Variants in HEMK2 observed in about 807,000 individuals in gnomAD.
HEMK2 encodes HemK methyltransferase 2, ETF1 glutamine and histone H4 lysine, also known as methyltransferase HEMK2.
the HEMK2 span, among the ~76,000 whole-genome samples, chr21:28,819,737 A>G: frequency 6.6e-6 from 1 of 151,166 alleles, no homozygotes; most frequent in Non-Finnish European, 1.5e-5. Context: ...TTTAGTAGAG[A>G]CGGAATTTCA....
At chr21:28,729,047 A>T in the HEMK2 span, among the ~76,000 whole-genome samples, 1 of 152,352 alleles carries the variant, frequency 6.6e-6, no homozygotes, top group Admixed American at 6.5e-5. Flanking sequence ...CCCTGAATTG[A>T]GAATGCATGA....
At chr21:28,818,607 T>G in the HEMK2 span, among the ~76,000 whole-genome samples, 3 of 152,132 alleles carry the variant, frequency 2.0e-5, no homozygotes, top group Non-Finnish European at 4.4e-5. Context: ...CACCCTCTCC[T>G]TAGGAATTTT....
chr21:28,760,244 G>A, the HEMK2 span, among the ~76,000 whole-genome samples: 1 of 152,160 alleles, frequency 6.6e-6, no homozygotes, highest in African/African-American at 2.4e-5. Flanking sequence ...GTTTCAATTA[G>A]GCTTTGCAGC....
chr21:28,847,717 T>G, the HEMK2 span, among the ~76,000 whole-genome samples: 16 of 152,358 alleles, frequency 1.1e-4, no homozygotes, highest in African/African-American at 3.8e-4. Flanking sequence ...AAAATGCTAT[T>G]TCCTAGATTT....
chr21:28,632,857 G>C, the HEMK2 span, among the ~76,000 whole-genome samples: 1 of 152,190 alleles, frequency 6.6e-6, no homozygotes, highest in Non-Finnish European at 1.5e-5. Flanking sequence ...CCATAGAAAA[G>C]ATAGCACTGG....
chr21:28,741,577 C>T, the HEMK2 span, among the ~76,000 whole-genome samples: 8 of 152,040 alleles, frequency 5.3e-5, no homozygotes, highest in Non-Finnish European at 1.2e-4. Flanking sequence ...TAGGCCCCAG[C>T]GGGTGTTGTT....
chr21:28,714,826 G>A, the HEMK2 span, among the ~76,000 whole-genome samples: 3 of 152,062 alleles, frequency 2.0e-5, no homozygotes, highest in Non-Finnish European at 2.9e-5. Flanking sequence ...AGTGTCAATT[G>A]TTCTCACCTT....
the HEMK2 span, among the ~76,000 whole-genome samples, chr21:28,644,588 CTCT>C: frequency 6.6e-6 from 1 of 152,182 alleles, no homozygotes; most frequent in South Asian, 2.1e-4. Context: ...TGTTTCTTCA[CTCT>C]GCTGGATCAA....
the HEMK2 span, among the ~76,000 whole-genome samples, chr21:28,770,877 T>A: frequency 1.3e-5 from 2 of 152,240 alleles, no homozygotes; most frequent in East Asian, 1.9e-4. Context: ...TAGATCAGAC[T>A]CCTCTTAGAA....
At chr21:28,609,663 A>AG in the HEMK2 span, among the ~76,000 whole-genome samples, 2 of 150,196 alleles carry the variant, frequency 1.3e-5, no homozygotes, top group Non-Finnish European at 3.0e-5. Context: ...AAAAAAAAAA[A>AG]GATATAGGAT....
chr21:28,747,902 T>C, the HEMK2 span, among the ~76,000 whole-genome samples: 2 of 152,188 alleles, frequency 1.3e-5, no homozygotes, highest in South Asian at 2.1e-4. Context: ...CAGAGAGAGA[T>C]AGGGTATCTC....
At chr21:28,760,929 C>A in the HEMK2 span, among the ~76,000 whole-genome samples, 8 of 152,246 alleles carry the variant, frequency 5.3e-5, no homozygotes, top group East Asian at 1.5e-3. Flanking sequence ...CCCTTTCAAA[C>A]ATATACAGAT....
At chr21:28,742,103 G>A in the HEMK2 span, among the ~76,000 whole-genome samples, 1 of 152,114 alleles carries the variant, frequency 6.6e-6, no homozygotes, top group South Asian at 2.1e-4. Context: ...ACACAGCCAT[G>A]CCTGTTTGTA....
chr21:28,819,613 C>T, the HEMK2 span, among the ~76,000 whole-genome samples: 1 of 138,340 alleles, frequency 7.2e-6, no homozygotes, highest in African/African-American at 2.7e-5. Flanking sequence ...GTGGCGCGAT[C>T]TCGGCTCACT....
chr21:28,798,822 T>C, the HEMK2 span, among the ~76,000 whole-genome samples: 3 of 152,200 alleles, frequency 2.0e-5, no homozygotes, highest in African/African-American at 7.2e-5. Flanking sequence ...TCTCCATGCA[T>C]TGCTCATTGC....
the HEMK2 span, among the ~76,000 whole-genome samples, chr21:28,824,626 C>T: frequency 6.6e-6 from 1 of 152,176 alleles, no homozygotes; most frequent in Non-Finnish European, 1.5e-5. Flanking sequence ...TCTGACTTCA[C>T]TGGAGTTGCT....
At chr21:28,635,670 G>A in the HEMK2 span, among the ~76,000 whole-genome samples, 1 of 152,098 alleles carries the variant, frequency 6.6e-6, no homozygotes, top group Non-Finnish European at 1.5e-5. Context: ...GCTCCAGGAG[G>A]TAGGTACTAT....
At chr21:28,744,509 A>G in the HEMK2 span, among the ~76,000 whole-genome samples, 1 of 152,190 alleles carries the variant, frequency 6.6e-6, no homozygotes, top group Non-Finnish European at 1.5e-5. Context: ...ACTCAACTAG[A>G]AAGGCATAAG....
chr21:28,671,785 T>C, the HEMK2 span, among the ~76,000 whole-genome samples: 1 of 152,204 alleles, frequency 6.6e-6, no homozygotes, highest in South Asian at 2.1e-4. Context: ...GACGGTTGCT[T>C]CCACAATCAT....
Sources: gnomAD v4.1 joint callset for allele counts (sites outside exome capture counted in the v4.1 genomes callset) on GRCh38, gnomAD v4.1.1 for gene constraint, MANE v1.5 for transcripts, NCBI Gene and HGNC (gene_info 2026-07-23, HGNC 2026-07-21) for gene names.